ATP8B4: variants seen among roughly 807,000 people sequenced by gnomAD.
The protein encoded by ATP8B4 is probable phospholipid-transporting ATPase IM.
Under a neutral mutation model 145.6 loss-of-function variants are expected in ATP8B4, and 133 were observed. The observed-to-expected ratio is 0.91, with a 90% CI of 0.79 to 1.05. The LOEUF is 1.05. Among genes scored for constraint, ATP8B4 ranks in the 50% least tolerant of loss-of-function variants. ATP8B4 has a pLI of 0.00. For synonymous variants in ATP8B4, 507 were observed against 492.9 expected (o/e 1.03, Z -0.38); for missense variants, 1,458 against 1,425.2 (o/e 1.02, Z -0.37).
intron 23 of ATP8B4, among the ~76,000 whole-genome samples, chr15:49,893,282 A>C (rs1317575603): frequency 6.6e-6 from 1 of 152,210 alleles, no homozygotes; most frequent in Non-Finnish European, 1.5e-5. Context: ...TGAAGAGAGA[A>C]GATGGGGAGG....
At chr15:49,885,722 A>C (rs916416290) in intron 23 of ATP8B4, 3 of 150,224 alleles carry the variant, frequency 2.0e-5, no homozygotes, top group Non-Finnish European at 3.0e-5. Context: ...CCAGTATCTG[A>C]TACCATCACA....
intron 25 of ATP8B4, among the ~76,000 whole-genome samples, chr15:49,870,431 A>G (rs1486990774): frequency 6.6e-6 from 1 of 152,218 alleles, no homozygotes; most frequent in Non-Finnish European, 1.5e-5. Context: ...TGTTTAAAAG[A>G]GCATTTTATA....
intron 5 of ATP8B4, among the ~76,000 whole-genome samples, chr15:50,042,709 T>C (rs1176329104): frequency 1.3e-5 from 2 of 152,206 alleles, no homozygotes; most frequent in Admixed American, 1.3e-4. Flanking sequence ...GCATTCTCCA[T>C]ATAGCTTAGC....
rs147358491 is a variant in ATP8B4, at chr15:49,884,988, T to C, written c.2698-5529A>G. On this transcript the variant is annotated intron_variant, in intron 23 of 27. Coordinates refer to ENST00000284509, the MANE Select transcript of ATP8B4 (RefSeq NM_024837.4). ...TGAAACATCCCTGGTACCAAAAAGA[T>C]TGGGGACCACTGATTTAAAATAACA... Among the ~76,000 whole-genome samples the C allele has an allele frequency of 2.2e-3, 329 of 152,290 alleles. 2 individuals are homozygous for C. Among genetic ancestry groups the C allele is most frequent in the Admixed American group, 0.011 (170 of 15,300 alleles).
intron 23 of ATP8B4, among the ~76,000 whole-genome samples, chr15:49,887,073 G>C (rs1403493029): frequency 6.6e-6 from 1 of 152,104 alleles, no homozygotes; most frequent in Non-Finnish European, 1.5e-5. Flanking sequence ...ACCTCCCAAA[G>C]TGCTGGGATT....
chr15:50,135,996 G>A (rs1030652499), intron 1 of ATP8B4, among the ~76,000 whole-genome samples: 3 of 152,160 alleles, frequency 2.0e-5, no homozygotes, highest in African/African-American at 7.2e-5. Context: ...CTTGAGCGTG[G>A]ATACTTTCCT....
intron 2 of ATP8B4, among the ~76,000 whole-genome samples, chr15:50,081,064 G>A (rs544515358): frequency 6.7e-6 from 1 of 148,538 alleles, no homozygotes; most frequent in African/African-American, 2.5e-5. Flanking sequence ...AGTGAGCCGA[G>A]ATCACGCCAC....
intron 20 of ATP8B4, among the ~76,000 whole-genome samples, chr15:49,907,759 C>T (rs1269699382): frequency 6.6e-6 from 1 of 152,208 alleles, no homozygotes; most frequent in Non-Finnish European, 1.5e-5. Context: ...AGCTGAGATT[C>T]CAACTTGAAT....
chr15:50,096,599 C>T (rs1225018391), intron 2 of ATP8B4, among the ~76,000 whole-genome samples: 1 of 152,130 alleles, frequency 6.6e-6, no homozygotes. Flanking sequence ...TTCTAGACCG[C>T]ACCTAGGACT....
At chr15:50,003,821 G>A (rs1295465538) in intron 7 of ATP8B4, among the ~76,000 whole-genome samples, 1 of 152,096 alleles carries the variant, frequency 6.6e-6, no homozygotes, top group Non-Finnish European at 1.5e-5. Context: ...TGAAGACTGG[G>A]TGGGGCTGCA....
At chr15:50,123,732 C>T (rs750697753), upstream of ATP8B4, among the ~76,000 whole-genome samples, 1 of 152,120 alleles carries the variant, frequency 6.6e-6, no homozygotes, top group Non-Finnish European at 1.5e-5. Flanking sequence ...AATAAATTGG[C>T]TCTGTCCAGG....
chr15:49,889,227 G>A (rs545493498), intron 23 of ATP8B4, among the ~76,000 whole-genome samples: 47 of 152,114 alleles, frequency 3.1e-4, no homozygotes, highest in African/African-American at 1.1e-3. Flanking sequence ...ACTTGGTTCC[G>A]GTCCTAGCCT....
intron 3 of ATP8B4, among the ~76,000 whole-genome samples, chr15:50,060,119 C>T (rs569327599): frequency 3.9e-5 from 6 of 152,230 alleles, no homozygotes; most frequent in Admixed American, 2.6e-4. Flanking sequence ...CACAGCGTCC[C>T]CTGGGTTTCT....
chr15:50,179,925 C>G (rs1385459806), intron 1 of ATP8B4, among the ~76,000 whole-genome samples: 1 of 152,212 alleles, frequency 6.6e-6, no homozygotes, highest in Non-Finnish European at 1.5e-5. Context: ...AAAGCAAGAG[C>G]TGGATCCCAG....
intron 9 of ATP8B4, 57 bp downstream of exon 9, chr15:49,996,620 G>T: frequency 7.5e-7 from 1 of 1,329,236 alleles, no homozygotes. Flanking sequence ...ACATTACTTT[G>T]TTGCATTGCT....
chr15:49,931,176 A>C lies in ATP8B4; in HGVS notation c.1585T>G (p.Tyr529Asp). Residue 529 changes from tyrosine to aspartate, a missense_variant, in exon 16 of 28, where the codon TAT (tyrosine) becomes GAT (aspartate). By Grantham distance (160) the Tyr-to-Asp change is radical (BLOSUM62 -3). Coordinates refer to ENST00000284509, the MANE Select transcript of ATP8B4 (RefSeq NM_024837.4). ...AAATCCAAAAAGGCAAGTAATTGAT[A>C]AGTAACTAGTGTTCCCAATTCTTCT... ...TIEELGTLVT[Y>D]QLLAFLDFNN... 6.2e-7 allele frequency: 1 copy of C among 1,612,558 alleles called. No individual in the cohort carries two copies. Among genetic ancestry groups the C allele is most frequent in the Non-Finnish European group, 8.5e-7 (1 of 1,179,050 alleles).
intron 6 of ATP8B4, among the ~76,000 whole-genome samples, chr15:50,023,468 A>G (rs1217402489): frequency 6.6e-6 from 1 of 152,180 alleles, no homozygotes; most frequent in Non-Finnish European, 1.5e-5. Flanking sequence ...ATTTGTTTGC[A>G]TAAACTCTAA....
chr15:50,114,103 C>CTTTCTTTTTTTTTT (rs1555494034), intron 1 of ATP8B4, among the ~76,000 whole-genome samples: 7 of 55,640 alleles, frequency 1.3e-4, no homozygotes, highest in Non-Finnish European at 1.9e-4. Context: ...CTCCTAGTTT[C>CTTTCTTTTTTTTTT]TTTTTTTTTT....
At chr15:50,172,868 G>A (rs571501318) in intron 1 of ATP8B4, among the ~76,000 whole-genome samples, 3 of 151,312 alleles carry the variant, frequency 2.0e-5, no homozygotes, top group Admixed American at 6.6e-5. Flanking sequence ...GTCTCTGACC[G>A]GCCGCCCCGT....
Sources: gnomAD v4.1 joint callset for allele counts (sites outside exome capture counted in the v4.1 genomes callset) on GRCh38, gnomAD v4.1.1 for gene constraint, MANE v1.5 for transcripts, NCBI Gene and HGNC (gene_info 2026-07-23, HGNC 2026-07-21) for gene names.